LSAMP: variants seen among roughly 807,000 people sequenced by gnomAD.
LSAMP encodes limbic system associated membrane protein.
LSAMP carries 7 observed loss-of-function variants against 38.6 expected under a neutral mutation model. That is an observed-to-expected ratio of 0.18 (90% confidence interval 0.10 to 0.34). The LOEUF (loss-of-function observed/expected upper bound fraction) is 0.34. LSAMP is among the 10% of genes least tolerant of loss of function. The pLI is 1.00. For synonymous variants in LSAMP, 154 were observed against 166.8 expected, an observed-to-expected ratio of 0.92 and a Z score of 0.59; for missense variants, 313 against 420.0, an observed-to-expected ratio of 0.75 and a Z score of 2.23.
At chr3:115,858,094 C>G (rs1935561725) in intron 3 of LSAMP, among the ~76,000 whole-genome samples, 1 of 151,868 alleles carries the variant, frequency 6.6e-6, no homozygotes, top group South Asian at 2.1e-4. Flanking sequence ...TTCTCTCATT[C>G]CCTTTCTTTC....
chr3:116,435,811 A>G lies in LSAMP; in HGVS notation c.155+9066T>C, dbSNP rs538626257. 3.3e-5 allele frequency among the ~76,000 whole-genome samples: 5 copies of G among 152,172 alleles called. No individual in the cohort carries two copies. The South Asian group carries it at 1.0e-3, about 31-fold the overall frequency. On this transcript the variant is annotated intron_variant, in intron 1 of 6. Coordinates refer to ENST00000490035, the MANE Select transcript of LSAMP (RefSeq NM_002338.5). ...GGGTGTTCAAAGAATATCTACATCC[A>G]TCCTAATCAGGGTCCCTCTGAGAGG...
At chr3:116,096,272 A>AT (rs1470096705) in intron 1 of LSAMP, among the ~76,000 whole-genome samples, 1 of 152,168 alleles carries the variant, frequency 6.6e-6, no homozygotes, top group African/African-American at 2.4e-5. Flanking sequence ...ATCCTGATAC[A>AT]TTTTTATTTC....
intron 2 of LSAMP, among the ~76,000 whole-genome samples, chr3:116,027,682 T>C (rs1260345051): frequency 1.3e-5 from 2 of 152,186 alleles, no homozygotes; most frequent in Non-Finnish European, 2.9e-5. Flanking sequence ...ATCTGTCAGT[T>C]TGGTTGCTTT....
At chr3:116,285,366 T>C (rs1004963172) in intron 1 of LSAMP, among the ~76,000 whole-genome samples, 17 of 152,106 alleles carry the variant, frequency 1.1e-4, no homozygotes, top group African/African-American at 3.6e-4. Context: ...TTTTCTCTTA[T>C]AGATATATGG....
At chr3:115,926,752 G>A (rs1937507387) in intron 3 of LSAMP, among the ~76,000 whole-genome samples, 1 of 152,132 alleles carries the variant, frequency 6.6e-6, no homozygotes, top group Admixed American at 6.5e-5. Flanking sequence ...CTTTGAATTT[G>A]TTCTCTCTGT....
At position 116,073,666 on chromosome 3, in the gene LSAMP, T is replaced by G. The variant is rs548697446; in HGVS notation, c.388+12658A>C. Among the ~76,000 whole-genome samples, 7 of 152,336 alleles carry G rather than the reference T, an allele frequency of 4.6e-5. No homozygotes were observed. The South Asian group carries it at 1.4e-3, about 32-fold the overall frequency. ...AATGCTAGTGACTTTTGCATATCAA[T>G]TTTGTATCCTGAGACTTTACTGAAG... is the stretch of plus-strand genomic sequence containing the variant. On this transcript the variant is annotated intron_variant, in intron 2 of 6. Coordinates refer to ENST00000490035, the MANE Select transcript of LSAMP (RefSeq NM_002338.5).
intron 3 of LSAMP, among the ~76,000 whole-genome samples, chr3:115,920,465 T>C (rs1282173217): frequency 6.6e-6 from 1 of 152,218 alleles, no homozygotes; most frequent in East Asian, 1.9e-4. Context: ...ATTGGTGATG[T>C]TGAACATCTT....
chr3:115,926,620 TC>T (rs1366981324), intron 3 of LSAMP, among the ~76,000 whole-genome samples: 1 of 152,182 alleles, frequency 6.6e-6, no homozygotes, highest in Non-Finnish European at 1.5e-5. Flanking sequence ...GGTGTGCTCC[TC>T]TGGAGTCCTG....
rs1487969384 is a variant in LSAMP, at chr3:116,387,010, TAGAG to T, written c.155+57863_155+57866del. ...ATTAGGACACAACGTTTATCTTATA[TAGAG>T]AGTCAAGGACAACAGTGGCAATTAC... On this transcript the variant is annotated intron_variant, in intron 1 of 6. Transcript: ENST00000490035. 3.3e-5 allele frequency among the ~76,000 whole-genome samples: 5 copies of T among 152,236 alleles called. No individual in the cohort carries two copies. In the East Asian group the frequency reaches 5.8e-4, roughly 18 times the overall value.
At chr3:116,269,341 AC>A in intron 1 of LSAMP, among the ~76,000 whole-genome samples, 1 of 152,202 alleles carries the variant, frequency 6.6e-6, no homozygotes, top group Middle Eastern at 3.4e-3. Context: ...TATGCAACAC[AC>A]ATATTATATA....
intron 2 of LSAMP, among the ~76,000 whole-genome samples, chr3:116,054,661 T>C (rs1174873467): frequency 6.6e-6 from 1 of 152,174 alleles, no homozygotes; most frequent in Non-Finnish European, 1.5e-5. Flanking sequence ...ATTTAATAAA[T>C]ATACAAATGA....
Position 115,803,638 on chromosome 3 carries a change from TTAAA to T in LSAMP, c.*6675_*6678del, listed in dbSNP as rs1933567339. The T allele has an allele frequency of 6.6e-6, 1 of 152,240 alleles. No homozygotes were observed. Among genetic ancestry groups the T allele is most frequent in the Non-Finnish European group, 1.5e-5 (1 of 68,046 alleles). 9.4% of individuals were successfully genotyped at this position (152,240 alleles called of 1,614,324 possible). ...TTGTTTTATTTTCAGCTTGTCTTCTTTAAATAGAATTGACTTGTACTTTTTGAAA... is the reference window on the plus strand; with the variant it reads ...TTGTTTTATTTTCAGCTTGTCTTCTTTAGAATTGACTTGTACTTTTTGAAA... On this transcript the variant is annotated 3_prime_UTR_variant, in exon 7 of 7. Transcript: ENST00000490035.
rs1240098953 is a variant in LSAMP at position 115,915,026 on chromosome 3, CA to C, written c.515-62410del. ...GTACTTCTTTTATTTTCCTGGAAGCCAGAAAGCAGCCAGAGGCTGGCATCTT... is the reference window on the plus strand; with the variant it reads ...GTACTTCTTTTATTTTCCTGGAAGCCGAAAGCAGCCAGAGGCTGGCATCTT... On this transcript the variant is annotated intron_variant, in intron 3 of 6. Coordinates refer to ENST00000490035, the MANE Select transcript of LSAMP (RefSeq NM_002338.5). 1.1e-4 allele frequency among the ~76,000 whole-genome samples: 16 copies of C among 152,114 alleles called. 1 individual carries two copies. Among genetic ancestry groups the C allele is most frequent in the Admixed American group, 1.0e-3 (16 of 15,276 alleles).
intron 1 of LSAMP, among the ~76,000 whole-genome samples, chr3:116,094,917 G>A (rs1006461699): frequency 2.0e-5 from 3 of 152,140 alleles, no homozygotes; most frequent in African/African-American, 7.2e-5. Context: ...CAAATGAGGT[G>A]ACGTACATAG....
At chr3:115,839,850 C>G (rs779143491) in intron 6 of LSAMP, among the ~76,000 whole-genome samples, 3 of 152,200 alleles carry the variant, frequency 2.0e-5, no homozygotes, top group Non-Finnish European at 4.4e-5. Flanking sequence ...ATACACTTGT[C>G]TGATCATTCC....
chr3:116,151,503 C>T (rs1709609999), intron 1 of LSAMP, among the ~76,000 whole-genome samples: 2 of 151,970 alleles, frequency 1.3e-5, no homozygotes, highest in Admixed American at 1.3e-4. Context: ...ACAGGGAGGC[C>T]AGATACCTTT....
At chr3:115,911,878 A>G (rs1346818328) in intron 3 of LSAMP, among the ~76,000 whole-genome samples, 1 of 152,168 alleles carries the variant, frequency 6.6e-6, no homozygotes, top group Admixed American at 6.5e-5. Context: ...AGCCATTTTG[A>G]TAAGTGTGTG....
chr3:115,958,894 G>A (rs1938539115), intron 3 of LSAMP, among the ~76,000 whole-genome samples: 1 of 152,180 alleles, frequency 6.6e-6, no homozygotes, highest in Non-Finnish European at 1.5e-5. Context: ...GTCAGGAGAA[G>A]CCGGTAGACG....
chr3:116,060,940 A>C (rs1941583829), intron 2 of LSAMP, among the ~76,000 whole-genome samples: 1 of 151,518 alleles, frequency 6.6e-6, no homozygotes, highest in Non-Finnish European at 1.5e-5. Flanking sequence ...AATAAATATA[A>C]ATAAATAAAA....
Sources: allele counts gnomAD v4.1 joint callset (sites outside exome capture counted in the v4.1 genomes callset), GRCh38; gene constraint gnomAD v4.1.1; transcripts MANE v1.5; gene names NCBI Gene and HGNC (gene_info 2026-07-23, HGNC 2026-07-21).